The following NUP214 variants were observed in gnomAD, a reference collection of about 807,000 sequenced individuals.
The protein encoded by NUP214 is nuclear pore complex protein Nup214.
Under a neutral mutation model 196.2 loss-of-function variants are expected in NUP214, and 79 were observed. The ratio of observed to expected loss-of-function variants is 0.40; its 90% CI spans 0.34 to 0.49. The LOEUF (loss-of-function observed/expected upper bound fraction) is 0.49, where lower values mean the gene tolerates loss of function less well. Among genes scored for constraint, NUP214 ranks in the 20% least tolerant of loss-of-function variants. The pLI is 0.58. For missense variants in NUP214, 2,468 were observed against 2,539.0 expected (o/e 0.97, Z 0.60); for synonymous variants, 1,020 against 990.5 (o/e 1.03, Z -0.56).
intron 2 of NUP214, 129 bp downstream of exon 2, chr9:131,127,848 A>C: frequency 1.5e-6 from 1 of 685,744 alleles, no homozygotes; most frequent in Admixed American, 2.9e-5. Context: ...GACTCCCAAG[A>C]AGATTAATGG....
rs146752389 is a variant in NUP214, at chr9:131,192,265, G to A, written c.3632G>A (p.Ser1211Asn). The A allele has an allele frequency of 4.1e-6, 6 of 1,468,352 alleles. No homozygotes were observed. The African/African-American group carries it at 6.1e-5, about 15-fold the overall frequency. 91.0% of individuals were successfully genotyped at this position (1,468,352 alleles called of 1,614,324 possible). ...TSTPSASGQF[S>N]KPFSFSPSGT... ...ACCCCATCTGCTTCTGGGCAGTTCAGCAAGCCTTTCTCATTTTCTCCATCA... is the reference window on the plus strand; with the variant it reads ...ACCCCATCTGCTTCTGGGCAGTTCAACAAGCCTTTCTCATTTTCTCCATCA... The change falls in exon 27 of 36, where the codon AGC becomes AAC. Residue 1211 changes from serine (S) to asparagine (N), a missense_variant. Coordinates refer to ENST00000359428, the MANE Select transcript of NUP214 (RefSeq NM_005085.4).
intron 28 of NUP214, 115 bp downstream of exon 28, chr9:131,195,409 C>T (rs929796746): frequency 4.9e-6 from 4 of 809,038 alleles, no homozygotes; most frequent in South Asian, 1.4e-5. Flanking sequence ...ACAGTATCTG[C>T]AATAAGCTCA....
In NUP214 at chr9:131,196,040, G is replaced by GCCCC. The variant is rs928537496; in HGVS notation, c.3721+747_3721+748insCCCC. Among the ~76,000 whole-genome samples the GCCCC allele has an allele frequency of 3.4e-4, 2 of 5,952 alleles. 1 individual carries two copies. Among genetic ancestry groups the GCCCC allele is most frequent in the Non-Finnish European group, 7.7e-4 (2 of 2,608 alleles). The allele number at this position is 5,952 out of a possible 152,430, so 3.9% of individuals were successfully genotyped here. A position where few individuals can be genotyped will look rare whatever the true frequency, so the allele number is the denominator to read the frequency against. ...ACTCTGTGTGTCCCCCCCCCCCCCC[G>GCCCC]CGCCAAAAAATCCATCAATAGCATG... On this transcript the variant is annotated intron_variant, in intron 28 of 35. Coordinates refer to ENST00000359428, the MANE Select transcript of NUP214 (RefSeq NM_005085.4).
intron 9 of NUP214, among the ~76,000 whole-genome samples, chr9:131,138,113 G>C (rs537859789): frequency 6.6e-6 from 1 of 151,942 alleles, no homozygotes; most frequent in East Asian, 1.9e-4. Context: ...CTGCCTGCCT[G>C]CTTGCTTTCT....
At chr9:131,127,767 C>A in intron 2 of NUP214, 48 bp downstream of exon 2, 1 of 1,381,320 alleles carries the variant, frequency 7.2e-7, no homozygotes, top group Non-Finnish European at 1.0e-6. Context: ...AGTATGGTGG[C>A]ATGCTCTTGT....
At chr9:131,223,727 A>ATTTATTTATTTATTT in intron 32 of NUP214, among the ~76,000 whole-genome samples, 1 of 15,660 alleles carries the variant, frequency 6.4e-5, no homozygotes, top group Admixed American at 1.4e-3. Flanking sequence ...TTATTTATTT[A>ATTTATTTATTTATTT]TTTTTTTTTT....
chr9:131,191,004 G>A (rs1833582469), intron 26 of NUP214: 1 of 151,760 alleles, frequency 6.6e-6, no homozygotes, highest in Non-Finnish European at 1.5e-5. Flanking sequence ...TTTTCATCCT[G>A]TACATTTTAC....
At position 131,196,025 on chromosome 9, in the gene NUP214, T is replaced by TCCGTC. The variant is rs1554737948; in HGVS notation, c.3721+733_3721+734insGTCCC. ...GGCAACAAGAGTGAAACTCTGTGTGTCCCCCCCCCCCCCCGCGCCAAAAAA... is the reference window on the plus strand; with the variant it reads ...GGCAACAAGAGTGAAACTCTGTGTGTCCGTCCCCCCCCCCCCCCCGCGCCAAAAAA... On this transcript the variant is annotated intron_variant, in intron 28 of 35. Transcript: ENST00000359428. Among the ~76,000 whole-genome samples, 32 of 3,666 alleles carry TCCGTC rather than the reference T, an allele frequency of 8.7e-3. 7 individuals are homozygous for TCCGTC. The highest frequency in any genetic ancestry group is 0.028 in the South Asian group (1 of 36). The allele number at this position is 3,666 out of a possible 152,430, so 2.4% of individuals were successfully genotyped here. A position where few individuals can be genotyped will look rare whatever the true frequency, so the allele number is the denominator to read the frequency against.
At chr9:131,193,339 T>G (rs1382785739) in intron 27 of NUP214, among the ~76,000 whole-genome samples, 2 of 152,164 alleles carry the variant, frequency 1.3e-5, no homozygotes, top group Non-Finnish European at 2.9e-5. Flanking sequence ...GCCTCTTAAG[T>G]TCTTCAGTTT....
At chr9:131,204,672 A>G (rs1309629860) in intron 30 of NUP214, among the ~76,000 whole-genome samples, 2 of 152,214 alleles carry the variant, frequency 1.3e-5, no homozygotes, top group African/African-American at 4.8e-5. Flanking sequence ...AAGATACAAA[A>G]GAGAAAAAAT....
At chr9:131,148,582 G>A (rs1023686764) in intron 14 of NUP214, among the ~76,000 whole-genome samples, 1 of 151,770 alleles carries the variant, frequency 6.6e-6, no homozygotes, top group African/African-American at 2.4e-5. Flanking sequence ...TGCCACTCTT[G>A]GTATTTTTCA....
intron 30 of NUP214, among the ~76,000 whole-genome samples, chr9:131,212,717 T>TA (rs1412858051): frequency 6.6e-6 from 1 of 152,226 alleles, no homozygotes; most frequent in Non-Finnish European, 1.5e-5. Context: ...ACTTACTCCT[T>TA]ACTCCTTACA....
chr9:131,210,750 C>T (rs1834218672), intron 30 of NUP214, among the ~76,000 whole-genome samples: 2 of 151,610 alleles, frequency 1.3e-5, no homozygotes, highest in South Asian at 2.1e-4. Context: ...AACTCGAAGA[C>T]GTATCAATAG....
At chr9:131,208,888 C>T (rs1000708694) in intron 30 of NUP214, among the ~76,000 whole-genome samples, 8 of 150,902 alleles carry the variant, frequency 5.3e-5, no homozygotes, top group Non-Finnish European at 1.0e-4. Flanking sequence ...TGAAGCTCGC[C>T]GGTAGTCCCA....
At chr9:131,205,960 G>C (rs1175940874) in intron 30 of NUP214, among the ~76,000 whole-genome samples, 1 of 152,094 alleles carries the variant, frequency 6.6e-6, no homozygotes, top group Non-Finnish European at 1.5e-5. Flanking sequence ...TGGGATTACA[G>C]TCATGAGCCA....
Position 131,164,152 on chromosome 9 carries a change from G to A in NUP214, c.2893+8G>A, listed in dbSNP as rs1341890489. On this transcript the variant is annotated splice_region_variant and intron_variant, in intron 21 of 35. Transcript: ENST00000359428. ...TGAGATCCACTGCTCCAGGTAAAGA[G>A]AACCAGTAACTGGGCCTGTACATAG... 6.2e-7 allele frequency: 1 copy of A among 1,613,712 alleles called. No individual in the cohort carries two copies. Among genetic ancestry groups the A allele is most frequent in the Non-Finnish European group, 8.5e-7 (1 of 1,179,646 alleles).
At chr9:131,175,075 C>T (rs1473132190) in intron 22 of NUP214, among the ~76,000 whole-genome samples, 1 of 152,202 alleles carries the variant, frequency 6.6e-6, no homozygotes. Flanking sequence ...GCTCACTGTA[C>T]TGACAGGTGT....
chr9:131,152,146 AC>A (rs1832288385), intron 17 of NUP214, among the ~76,000 whole-genome samples: 3 of 151,860 alleles, frequency 2.0e-5, no homozygotes, highest in Admixed American at 1.3e-4. Context: ...GGGTCTTCTC[AC>A]TCTGTTGCCC....
chr9:131,232,265 C>T lies in NUP214; in HGVS notation c.6215-19C>T, dbSNP rs772959662. ...CGAGTGGATGCGTGCTTTAACTTCA[C>T]TCTTATTCTGCTTTTCAGGGTTCAG... is the stretch of plus-strand genomic sequence containing the variant. On this transcript the variant is annotated intron_variant, in intron 34 of 35. Transcript: ENST00000359428. The surrounding 1 kb of genome is among the most constrained non-coding windows in gnomAD (Gnocchi z 5.1). The T allele has an allele frequency of 1.2e-6, 2 of 1,614,154 alleles. No homozygotes were observed. Among genetic ancestry groups the T allele is most frequent in the East Asian group, 4.5e-5 (2 of 44,892 alleles).
Sources: gnomAD v4.1 joint callset for allele counts (sites outside exome capture counted in the v4.1 genomes callset) on GRCh38, gnomAD v4.1.1 for gene constraint, Gnocchi (gnomAD v3.1) non-coding constraint, MANE v1.5 for transcripts, NCBI Gene and HGNC (gene_info 2026-07-23, HGNC 2026-07-21) for gene names.